Variants in CNTN5 observed in about 807,000 individuals in gnomAD.
CNTN5 encodes the protein contactin 5, also known as contactin-5.
A neutral mutation model predicts 129.1 loss-of-function variants in CNTN5; 77 were observed. The ratio of observed to expected loss-of-function variants is 0.60; its 90% CI spans 0.50 to 0.72. CNTN5 has a LOEUF of 0.72. CNTN5 is among the 30% of genes least tolerant of loss of function. The pLI, the probability that CNTN5 is intolerant of heterozygous loss-of-function variation, is 0.00. For missense variants in CNTN5, 1,478 were observed against 1,328.8 expected (o/e 1.11, Z -1.75); for synonymous variants, 509 against 465.6 (o/e 1.09, Z -1.20).
intron 13 of CNTN5, among the ~76,000 whole-genome samples, chr11:100,132,139 A>T (rs753942747): frequency 3.3e-5 from 5 of 151,960 alleles, no homozygotes; most frequent in Non-Finnish European, 7.4e-5. Flanking sequence ...TCTTAGTTGA[A>T]CTCTGGTTGA....
At chr11:100,170,227 G>C (rs1229036854) in intron 13 of CNTN5, among the ~76,000 whole-genome samples, 1 of 151,822 alleles carries the variant, frequency 6.6e-6, no homozygotes, top group African/African-American at 2.4e-5. Context: ...AGATTATTCA[G>C]ACAGATTAAA....
intron 13 of CNTN5, among the ~76,000 whole-genome samples, chr11:100,170,347 G>GTTAT (rs1375133008): frequency 6.6e-6 from 1 of 151,950 alleles, no homozygotes; most frequent in African/African-American, 2.4e-5. Context: ...AAATGATGCA[G>GTTAT]TTATTTTGGG....
At chr11:99,738,466 A>G (rs1414516034) in intron 3 of CNTN5, among the ~76,000 whole-genome samples, 2 of 152,200 alleles carry the variant, frequency 1.3e-5, no homozygotes, top group Non-Finnish European at 2.9e-5. Flanking sequence ...TAGGTGGTCC[A>G]AGAGAGCTTT....
chr11:100,228,364 A>C (rs756392848), intron 16 of CNTN5, among the ~76,000 whole-genome samples: 3 of 152,206 alleles, frequency 2.0e-5, no homozygotes, highest in Non-Finnish European at 4.4e-5. Flanking sequence ...TCAGGATGTC[A>C]CTTGTTGGGA....
At chr11:99,166,722 A>G (rs2135528580) in intron 1 of CNTN5, among the ~76,000 whole-genome samples, 1 of 151,474 alleles carries the variant, frequency 6.6e-6, no homozygotes, top group Non-Finnish European at 1.5e-5. Context: ...TATGCTTGTC[A>G]TATTTACAGT....
intron 1 of CNTN5, among the ~76,000 whole-genome samples, chr11:99,041,744 T>C (rs1040257546): frequency 6.6e-6 from 1 of 152,194 alleles, no homozygotes; most frequent in African/African-American, 2.4e-5. Flanking sequence ...TTATGAAGGA[T>C]GTGCAAATGG....
Position 99,677,675 on chromosome 11 carries a change from A to AG in CNTN5, c.55+121408dup, listed in dbSNP as rs375974608. 4.3e-3 allele frequency among the ~76,000 whole-genome samples: 651 copies of AG among 152,094 alleles called. 8 individuals carry two copies. The highest frequency in any genetic ancestry group is 0.014 in the African/African-American group (580 of 41,370). Reference sequence around the variant, plus strand: ...AATCTAGATTACATTTCTTAAAAATAGGTTTTCCTCGTTGTTCAAAACTGT... The same window carrying AG: ...AATCTAGATTACATTTCTTAAAAATAGGGTTTTCCTCGTTGTTCAAAACTGT... On this transcript the variant is annotated intron_variant, in intron 3 of 24. Transcript: ENST00000524871.
At chr11:99,988,047 G>T (rs1938805434) in intron 8 of CNTN5, among the ~76,000 whole-genome samples, 1 of 152,094 alleles carries the variant, frequency 6.6e-6, no homozygotes, top group Admixed American at 6.5e-5. Flanking sequence ...ATGATAATCA[G>T]CATTCCCCCT....
chr11:99,625,878 T>G (rs1160950499), intron 3 of CNTN5, among the ~76,000 whole-genome samples: 5 of 150,822 alleles, frequency 3.3e-5, no homozygotes, highest in Non-Finnish European at 5.9e-5. Flanking sequence ...TCAAGTCTCA[T>G]GAGCTCATGA....
chr11:99,423,091 G>A (rs920848181), intron 2 of CNTN5, among the ~76,000 whole-genome samples: 3 of 152,230 alleles, frequency 2.0e-5, no homozygotes, highest in Non-Finnish European at 4.4e-5. Flanking sequence ...CCACCTTTAC[G>A]TAGAGCCAAG....
chr11:99,194,810 G>T (rs908895667), intron 1 of CNTN5, among the ~76,000 whole-genome samples: 2 of 152,040 alleles, frequency 1.3e-5, no homozygotes, highest in South Asian at 4.2e-4. Context: ...TCATCGTGTT[G>T]CCCAGGCTGG....
chr11:99,574,899 C>T (rs1949294904), intron 3 of CNTN5, among the ~76,000 whole-genome samples: 1 of 152,038 alleles, frequency 6.6e-6, no homozygotes, highest in Admixed American at 6.6e-5. Flanking sequence ...TTTTGCTGTA[C>T]AGAAGCTCTT....
intron 13 of CNTN5, among the ~76,000 whole-genome samples, chr11:100,120,645 G>T (rs1945986816): frequency 6.6e-6 from 1 of 151,728 alleles, no homozygotes; most frequent in African/African-American, 2.4e-5. Context: ...GTGAAGACAA[G>T]GTTTATTTTC....
intron 2 of CNTN5, among the ~76,000 whole-genome samples, chr11:99,377,877 T>C (rs1010938887): frequency 3.3e-5 from 5 of 152,128 alleles, no homozygotes; most frequent in African/African-American, 2.4e-5. Context: ...TTACACCCTT[T>C]ATGCAGCACA....
chr11:100,135,150 T>C (rs756541862), intron 13 of CNTN5, among the ~76,000 whole-genome samples: 1 of 151,862 alleles, frequency 6.6e-6, no homozygotes, highest in African/African-American at 2.4e-5. Flanking sequence ...GGATATGTGT[T>C]ATCTTGTTAG....
chr11:99,377,396 C>G (rs1940249047), intron 2 of CNTN5, among the ~76,000 whole-genome samples: 1 of 151,970 alleles, frequency 6.6e-6, no homozygotes, highest in South Asian at 2.1e-4. Flanking sequence ...GTAGAGAATG[C>G]TGCTGCTGTT....
chr11:99,518,164 A>G lies in CNTN5; in HGVS notation c.-70-37981A>G, dbSNP rs540163295. Among the ~76,000 whole-genome samples the G allele has an allele frequency of 3.3e-5, 5 of 152,224 alleles. 1 individual carries two copies. The South Asian group carries it at 1.0e-3, about 32-fold the overall frequency. On this transcript the variant is annotated intron_variant, in intron 2 of 24. Transcript: ENST00000524871. ...CCAGGTTTCAAATTTCCAGTATATTAAATCTGATTTGCTCAAGTTCAGTCG... is the reference window on the plus strand; with the variant it reads ...CCAGGTTTCAAATTTCCAGTATATTGAATCTGATTTGCTCAAGTTCAGTCG...
At chr11:99,484,983 G>C (rs927834679) in intron 2 of CNTN5, among the ~76,000 whole-genome samples, 2 of 152,132 alleles carry the variant, frequency 1.3e-5, no homozygotes, top group African/African-American at 4.8e-5. Context: ...AGCTAGATAG[G>C]AGGAATAGGT....
chr11:99,811,907 T>C (rs767187735), intron 3 of CNTN5, among the ~76,000 whole-genome samples: 1 of 152,152 alleles, frequency 6.6e-6, no homozygotes, highest in African/African-American at 2.4e-5. Flanking sequence ...ATCTTCAGCA[T>C]AGTTATTTAT....
Sources: allele counts gnomAD v4.1 joint callset (sites outside exome capture counted in the v4.1 genomes callset), GRCh38; gene constraint gnomAD v4.1.1; transcripts MANE v1.5; gene names NCBI Gene and HGNC (gene_info 2026-07-23, HGNC 2026-07-21).